GPSM2: variants seen among roughly 807,000 people sequenced by gnomAD.
The protein encoded by GPSM2 is G protein signaling modulator 2, also known as G protein-signaling modulator 2.
A neutral mutation model predicts 78.4 loss-of-function variants in GPSM2; 58 were observed. That is an observed-to-expected ratio of 0.74 (90% CI 0.60 to 0.92). GPSM2 has a LOEUF of 0.92. Among genes scored for constraint, GPSM2 ranks in the 40% least tolerant of loss-of-function variants. The probability of loss-of-function intolerance (pLI) is 0.00; values close to 1 mark genes in which losing one functional copy is unlikely to be tolerated. For missense variants in GPSM2, 700 were observed against 815.5 expected (o/e 0.86, Z 1.73); for synonymous variants, 224 against 280.2 (o/e 0.80, Z 2.00).
intron 11 of GPSM2, among the ~76,000 whole-genome samples, chr1:108,914,929 G>C (rs1168301555): frequency 6.6e-6 from 1 of 151,970 alleles, no homozygotes; most frequent in African/African-American, 2.4e-5. Context: ...CAAGTACTTT[G>C]TATTGAAGAT....
intron 1 of GPSM2, among the ~76,000 whole-genome samples, chr1:108,878,487 T>C (rs1307606153): frequency 1.3e-5 from 2 of 152,212 alleles, no homozygotes; most frequent in Non-Finnish European, 2.9e-5. Flanking sequence ...AAATCAGATA[T>C]TCGGTGTTAC....
At chr1:108,913,455 A>G (rs1328874295) in intron 10 of GPSM2, among the ~76,000 whole-genome samples, 1 of 152,228 alleles carries the variant, frequency 6.6e-6, no homozygotes, top group Non-Finnish European at 1.5e-5. Context: ...TAAGGTATAC[A>G]TGGCAACTTG....
At position 108,931,628 on chromosome 1, in the gene GPSM2, TAAA is replaced by T. The variant is rs71593448; in HGVS notation, c.*1701_*1703del. 848 of 809,002 alleles carry T rather than the reference TAAA, an allele frequency of 1.0e-3. No homozygotes were observed. The highest frequency in any genetic ancestry group is 1.6e-3 in the East Asian group (48 of 29,552). The allele number at this position is 809,002 out of a possible 1,614,324, so 50.1% of individuals were successfully genotyped here. Reference sequence around the variant, plus strand: ...GAATTAATTACATTAAGTGCTCAGCTAAAAAAAAAAAAAAAGTTCTAAATTACA... The same window carrying T: ...GAATTAATTACATTAAGTGCTCAGCTAAAAAAAAAAAAGTTCTAAATTACA... On this transcript the variant is annotated 3_prime_UTR_variant, in exon 15 of 15. Coordinates refer to ENST00000264126, the MANE Select transcript of GPSM2 (RefSeq NM_013296.5).
intron 10 of GPSM2, among the ~76,000 whole-genome samples, chr1:108,910,455 C>A (rs1221477869): frequency 6.6e-6 from 1 of 152,080 alleles, no homozygotes; most frequent in African/African-American, 2.4e-5. Flanking sequence ...ACCTTGATAT[C>A]CAAACTAGAC....
chr1:108,923,282 C>CCT (rs1329614632), intron 13 of GPSM2, among the ~76,000 whole-genome samples: 7 of 152,152 alleles, frequency 4.6e-5, no homozygotes. Context: ...GATCCTCCTG[C>CCT]CTTAGCCTCC....
intron 4 of GPSM2, 102 bp from the exon 5 acceptor site, chr1:108,897,857 A>C (rs367627367): frequency 4.1e-6 from 5 of 1,226,436 alleles, no homozygotes; most frequent in East Asian, 4.7e-5. Context: ...GCCAATATAA[A>C]AATTTTTTTC....
intron 12 of GPSM2, among the ~76,000 whole-genome samples, chr1:108,921,910 T>C (rs985816064): frequency 2.2e-4 from 33 of 152,234 alleles, no homozygotes; most frequent in African/African-American, 7.5e-4. Context: ...ATTTCAGTTT[T>C]GAAGCCTTCC....
chr1:108,900,007 A>G (rs569406268), intron 7 of GPSM2, among the ~76,000 whole-genome samples: 14 of 152,174 alleles, frequency 9.2e-5, no homozygotes, highest in Non-Finnish European at 2.1e-4. Flanking sequence ...AAAATTTCCT[A>G]TATTTAAAGC....
rs757227610 is a variant in GPSM2, at chr1:108,929,950, A to T, written c.*10A>T. ...ATCGGCAGACCATTAGTTACTATGG[A>T]TTTATTTTTTTTCCTTTCAAACACG... On this transcript the variant is annotated 3_prime_UTR_variant, in exon 15 of 15. Transcript: ENST00000264126. 35 of 1,610,648 alleles carry T rather than the reference A, an allele frequency of 2.2e-5. No homozygotes were observed. The highest frequency in any genetic ancestry group is 2.9e-5 in the Non-Finnish European group (34 of 1,177,516).
In GPSM2 at chr1:108,922,443, T is replaced by C; in HGVS notation, c.1467T>C (p.Asp489=). The C allele has an allele frequency of 1.2e-6, 2 of 1,611,804 alleles. No homozygotes were observed. Among genetic ancestry groups the C allele is most frequent in the Non-Finnish European group, 1.7e-6 (2 of 1,177,988 alleles). Residue 489 remains aspartate, a synonymous_variant, in exon 13 of 15, where the codon GAT becomes GAC. Transcript: ENST00000264126. ...QRKISADTIG[D]EGFFDLLSRF... is the part of the protein sequence containing the mutation. ...AAATCAGTGCAGATACTATTGGAGA[T>C]GAAGGGTTCTTTGACTTATTAAGCC...
At position 108,931,335 on chromosome 1, in the gene GPSM2, G is replaced by GGAT. The variant is rs1651922465; in HGVS notation, c.*1399_*1401dup. ...CAGATATTGAAGGCAGTTTACAAGG[G>GGAT]GATGATAACAAAGTAACTAACTAAC... is the stretch of plus-strand genomic sequence containing the variant. On this transcript the variant is annotated 3_prime_UTR_variant, in exon 15 of 15. Transcript: ENST00000264126. The GGAT allele has an allele frequency of 6.5e-7, 1 of 1,549,944 alleles. No homozygotes were observed. Among genetic ancestry groups the GGAT allele is most frequent in the Admixed American group, 2.0e-5 (1 of 50,870 alleles).
chr1:108,928,397 T>C (rs1340060765), intron 14 of GPSM2, among the ~76,000 whole-genome samples: 6 of 151,762 alleles, frequency 4.0e-5, no homozygotes, highest in Admixed American at 2.0e-4. Flanking sequence ...GTTGGGTTAA[T>C]TGGAGGACAT....
chr1:108,931,684 A>T lies in GPSM2; in HGVS notation c.*1744A>T, dbSNP rs954983473. 1 of 689,156 alleles carries T rather than the reference A, an allele frequency of 1.5e-6. No individual in the cohort carries two copies. The highest frequency in any genetic ancestry group is 2.2e-6 in the Non-Finnish European group (1 of 464,430). The allele number at this position is 689,156 out of a possible 1,614,324, so 42.7% of individuals were successfully genotyped here. On this transcript the variant is annotated 3_prime_UTR_variant, in exon 15 of 15. Coordinates refer to ENST00000264126, the MANE Select transcript of GPSM2 (RefSeq NM_013296.5). ...CTGGATTACATTATGTTTCATGTAT[A>T]CTATAAGGTATGATGTCCTGGATAG...
chr1:108,906,428 C>T (rs1188305338), intron 10 of GPSM2, among the ~76,000 whole-genome samples: 1 of 152,082 alleles, frequency 6.6e-6, no homozygotes, highest in Non-Finnish European at 1.5e-5. Flanking sequence ...ATCTCTCCTA[C>T]AGTGTACTCT....
intron 11 of GPSM2, among the ~76,000 whole-genome samples, chr1:108,916,078 C>CAAA (rs59651066): frequency 1.0e-4 from 11 of 105,178 alleles, no homozygotes; most frequent in Admixed American, 2.1e-4. Context: ...CCTGTCTATA[C>CAAA]AAAAAAAAAA....
chr1:108,881,749 T>C (rs1424387898), intron 1 of GPSM2, among the ~76,000 whole-genome samples: 1 of 152,242 alleles, frequency 6.6e-6, no homozygotes, highest in Non-Finnish European at 1.5e-5. Context: ...TTCTTGCTTA[T>C]TTTAATGGTC....
chr1:108,882,237 C>T (rs973127902), intron 1 of GPSM2, among the ~76,000 whole-genome samples: 2 of 152,192 alleles, frequency 1.3e-5, no homozygotes, highest in African/African-American at 4.8e-5. Context: ...AGATGTCAGC[C>T]ACCGGGCCTA....
At chr1:108,903,602 G>C (rs1406823335) in intron 9 of GPSM2, among the ~76,000 whole-genome samples, 1 of 152,118 alleles carries the variant, frequency 6.6e-6, no homozygotes, top group African/African-American at 2.4e-5. Flanking sequence ...GGCTATTTGA[G>C]CTTGGAAACC....
intron 11 of GPSM2, among the ~76,000 whole-genome samples, chr1:108,914,663 G>T (rs111442103): frequency 2.6e-5 from 4 of 152,080 alleles, no homozygotes; most frequent in African/African-American, 9.7e-5. Flanking sequence ...TATAAGAAAC[G>T]GGCTAACAAT....
Sources: allele counts gnomAD v4.1 joint callset (sites outside exome capture counted in the v4.1 genomes callset), GRCh38; gene constraint gnomAD v4.1.1; transcripts MANE v1.5; gene names NCBI Gene and HGNC (gene_info 2026-07-23, HGNC 2026-07-21).